IQCH: variants seen among roughly 807,000 people sequenced by gnomAD.
IQCH encodes the protein IQ motif containing H.
In IQCH, 98 loss-of-function variants were observed where a neutral mutation model predicts 117.0. That is an observed-to-expected ratio of 0.84 (90% CI 0.71 to 0.99). The LOEUF (loss-of-function observed/expected upper bound fraction) is 0.99. Ranked by LOEUF, IQCH falls within the 50% of genes least tolerant of loss-of-function variation. IQCH has a pLI of 0.00. For missense variants in IQCH, 1,102 were observed against 1,243.8 expected, an observed-to-expected ratio of 0.89 and a Z score of 1.72; for synonymous variants, 412 against 448.2, an observed-to-expected ratio of 0.92 and a Z score of 1.02.
chr15:67,393,248 A>G lies in IQCH; in HGVS notation c.1633-2043A>G, dbSNP rs1316466468. 1.3e-5 allele frequency among the ~76,000 whole-genome samples: 2 copies of G among 152,224 alleles called. No individual in the cohort carries two copies. Among genetic ancestry groups the G allele is most frequent in the Non-Finnish European group, 2.9e-5 (2 of 68,032 alleles). On this transcript the variant is annotated intron_variant, in intron 12 of 20. Coordinates refer to ENST00000335894, the MANE Select transcript of IQCH (RefSeq NM_001031715.3). This position sits in a 1 kb window ranked among gnomAD's most constrained non-coding sequence, Gnocchi z 5.5. ...TTTTCTAAATCACCTAGCAAATTAC[A>G]AATTCAGGACTGAAATGCAGGTGTT...
chr15:67,349,606 C>CA (rs35892110), intron 6 of IQCH, among the ~76,000 whole-genome samples: 61,523 of 119,030 alleles, frequency 0.52, 16,521 homozygotes, highest in East Asian at 0.77. Context: ...GACTCCATCT[C>CA]AAAAAAAAAA....
intron 9 of IQCH, 110 bp downstream of exon 9, chr15:67,372,772 C>G (rs766884884): frequency 7.7e-6 from 7 of 912,326 alleles, no homozygotes; most frequent in Non-Finnish European, 1.2e-5. Flanking sequence ...AACTACTCTC[C>G]TTGCCTCAGA....
rs1363794698 is a variant in IQCH, at chr15:67,433,553, T to TC, written c.2505+11978dup. 6.6e-6 allele frequency among the ~76,000 whole-genome samples: 1 copy of TC among 152,188 alleles called. No individual in the cohort carries two copies. Among genetic ancestry groups the TC allele is most frequent in the Non-Finnish European group, 1.5e-5 (1 of 68,036 alleles). On this transcript the variant is annotated intron_variant, in intron 16 of 20. Coordinates refer to ENST00000335894, the MANE Select transcript of IQCH (RefSeq NM_001031715.3). This position sits in a 1 kb window ranked among gnomAD's most constrained non-coding sequence, Gnocchi z 5.4. ...TTACATCAGCTGTTCCCCCAGGACT[T>TC]CCTCAAAAGATGCCCATTCTCATCA...
chr15:67,420,697 C>T (rs1455926298), intron 15 of IQCH, among the ~76,000 whole-genome samples: 2 of 152,304 alleles, frequency 1.3e-5, no homozygotes, highest in East Asian at 3.9e-4. Context: ...AATTATAAAG[C>T]TCTCATTATC....
chr15:67,311,996 C>A (rs1254459090), intron 4 of IQCH, among the ~76,000 whole-genome samples: 1 of 152,192 alleles, frequency 6.6e-6, no homozygotes, highest in East Asian at 1.9e-4. Flanking sequence ...CACCTGCTAA[C>A]AGGACTAGGC....
intron 10 of IQCH, among the ~76,000 whole-genome samples, chr15:67,374,878 C>A (rs1970684443): frequency 6.6e-6 from 1 of 152,188 alleles, no homozygotes; most frequent in Non-Finnish European, 1.5e-5. Context: ...GCTTCTGCAA[C>A]TAATTGTGGA....
intron 14 of IQCH, among the ~76,000 whole-genome samples, chr15:67,402,217 TCTAA>T (rs780383177): frequency 3.9e-5 from 6 of 152,210 alleles, no homozygotes; most frequent in East Asian, 1.9e-4. Flanking sequence ...TAATTAATAA[TCTAA>T]CTAAATCATT....
chr15:67,279,584 A>G, intron 4 of IQCH, 72 bp downstream of exon 4: 1 of 808,718 alleles, frequency 1.2e-6, no homozygotes, highest in East Asian at 2.6e-5. Flanking sequence ...AGCAGAGACT[A>G]GGAGTGACTT....
intron 8 of IQCH, among the ~76,000 whole-genome samples, chr15:67,362,920 T>C (rs1402316583): frequency 6.6e-6 from 1 of 152,234 alleles, no homozygotes; most frequent in Non-Finnish European, 1.5e-5. Flanking sequence ...GGAATAAGCC[T>C]ACTTCTTAAA....
At chr15:67,286,362 T>C (rs1322681686) in intron 4 of IQCH, among the ~76,000 whole-genome samples, 2 of 152,160 alleles carry the variant, frequency 1.3e-5, no homozygotes, top group Non-Finnish European at 2.9e-5. Context: ...AAATATAAGA[T>C]CATATCATCT....
Position 67,456,160 on chromosome 15 carries a change from C to T in IQCH, c.2506-8967C>T, listed in dbSNP as rs564880081. On this transcript the variant is annotated intron_variant, in intron 16 of 20. Transcript: ENST00000335894. The surrounding 1 kb of genome is among the most constrained non-coding windows in gnomAD (Gnocchi z 5.1). ...TTAAAAGATTTGTGATTTTTTTTTA[C>T]AAAGGTGAAAAGTATAAATACAGCT... 6.7e-6 allele frequency among the ~76,000 whole-genome samples: 1 copy of T among 149,786 alleles called. No individual in the cohort carries two copies. The highest frequency in any genetic ancestry group is 2.1e-4 in the South Asian group (1 of 4,686).
intron 15 of IQCH, among the ~76,000 whole-genome samples, chr15:67,419,573 A>C (rs1309409992): frequency 6.6e-6 from 1 of 152,142 alleles, no homozygotes; most frequent in Non-Finnish European, 1.5e-5. Context: ...TTATTTTTTG[A>C]GATAGGGTCT....
chr15:67,274,914 G>C (rs1163724335), intron 3 of IQCH, among the ~76,000 whole-genome samples: 1 of 152,136 alleles, frequency 6.6e-6, no homozygotes, highest in Non-Finnish European at 1.5e-5. Context: ...ATCTAATAAA[G>C]GATCAGAATG....
chr15:67,479,893 C>A lies in IQCH; in HGVS notation c.2799+4075C>A, dbSNP rs947971724. On this transcript the variant is annotated intron_variant, in intron 18 of 20. Transcript: ENST00000335894. This position sits in a 1 kb window ranked among gnomAD's most constrained non-coding sequence, Gnocchi z 4.6. ...CAGGGGGAAAAAAGGGAAATGAGATCACTCTATGAGTTTATTTTTCCTTGA... is the reference window on the plus strand; with the variant it reads ...CAGGGGGAAAAAAGGGAAATGAGATAACTCTATGAGTTTATTTTTCCTTGA... 3.3e-5 allele frequency among the ~76,000 whole-genome samples: 5 copies of A among 152,204 alleles called. No individual in the cohort carries two copies. Among genetic ancestry groups the A allele is most frequent in the African/African-American group, 9.7e-5 (4 of 41,448 alleles).
rs879346781 is a variant in IQCH, at chr15:67,432,305, C to T, written c.2505+10728C>T. Reference sequence around the variant, plus strand: ...ATGAAAATGGAGGCCCTGATATATACCGCAGTATATCCCATAAAGTCTGAA... The same window carrying T: ...ATGAAAATGGAGGCCCTGATATATATCGCAGTATATCCCATAAAGTCTGAA... On this transcript the variant is annotated intron_variant, in intron 16 of 20. Coordinates refer to ENST00000335894, the MANE Select transcript of IQCH (RefSeq NM_001031715.3). The surrounding 1 kb of genome is among the most constrained non-coding windows in gnomAD (Gnocchi z 5.0). 2.8e-4 allele frequency among the ~76,000 whole-genome samples: 43 copies of T among 152,060 alleles called. No homozygotes were observed. Among genetic ancestry groups the T allele is most frequent in the Admixed American group, 4.6e-4 (7 of 15,274 alleles).
Position 67,372,273 on chromosome 15 carries a change from G to A in IQCH, c.916G>A (p.Glu306Lys), listed in dbSNP as rs753121403. ...TATTTTTTCTCTCTTGGAACACGTC[G>A]AGAAGTTTCTCAGGAACTATGCTAT... is the stretch of plus-strand genomic sequence containing the variant. Reference protein sequence around the residue: ...GGIFSLLEHVEKFLRNYAIPE... With the variant: ...GGIFSLLEHVKKFLRNYAIPE... The change falls in exon 9 of 21, where the codon GAG (glutamate) becomes AAG (lysine). Residue 306 changes from glutamate (E) to lysine (K), a missense_variant. Glu to Lys is a moderately conservative substitution (Grantham distance 56). Around this residue, in one of 2 missense-constraint regions of IQCH, gnomAD observed 452 missense variants for 449.6 expected, o/e 1.01. Transcript: ENST00000335894. 52 of 1,613,902 alleles carry A rather than the reference G, an allele frequency of 3.2e-5. No homozygotes were observed. Among genetic ancestry groups the A allele is most frequent in the African/African-American group, 1.5e-4 (11 of 74,870 alleles).
intron 7 of IQCH, among the ~76,000 whole-genome samples, chr15:67,358,940 C>T (rs1002789502): frequency 1.3e-5 from 2 of 152,202 alleles, no homozygotes; most frequent in African/African-American, 4.8e-5. Flanking sequence ...ACCCCAGTTG[C>T]CATGGCAAAT....
rs1366842539 is a variant in IQCH, at chr15:67,467,770, G to A, written c.2676+2473G>A. On this transcript the variant is annotated intron_variant, in intron 17 of 20. Coordinates refer to ENST00000335894, the MANE Select transcript of IQCH (RefSeq NM_001031715.3). The surrounding 1 kb of genome is among the most constrained non-coding windows in gnomAD (Gnocchi z 5.7). ...CAAGTTTATGATCAGGCAGTTGACA[G>A]CCCCCTTTGAAGACTGAAGGAGAAG... Among the ~76,000 whole-genome samples, 1 of 152,210 alleles carries A rather than the reference G, an allele frequency of 6.6e-6. No individual in the cohort carries two copies. Among genetic ancestry groups the A allele is most frequent in the African/African-American group, 2.4e-5 (1 of 41,448 alleles).
At chr15:67,372,889 C>G (rs1042900618) in intron 9 of IQCH, among the ~76,000 whole-genome samples, 5 of 151,632 alleles carry the variant, frequency 3.3e-5, no homozygotes, top group Non-Finnish European at 5.9e-5. Context: ...CCTGCAAAAT[C>G]TGTTGCAATT....
Sources: allele counts gnomAD v4.1 joint callset (sites outside exome capture counted in the v4.1 genomes callset), GRCh38; gene constraint gnomAD v4.1.1; regional missense constraint gnomAD v4.1.1; non-coding constraint Gnocchi (gnomAD v3.1); transcripts MANE v1.5; gene names NCBI Gene and HGNC (gene_info 2026-07-23, HGNC 2026-07-21).